The following GDPD5 variants were observed in gnomAD, a reference collection of about 807,000 sequenced individuals.
GDPD5 encodes the protein glycerophosphodiester phosphodiesterase domain containing 5.
Under a neutral mutation model 75.1 loss-of-function variants are expected in GDPD5, and 48 were observed. That is an observed-to-expected ratio of 0.64 (90% CI 0.51 to 0.81). GDPD5 has a LOEUF of 0.81. Among genes scored for constraint, GDPD5 ranks in the 40% least tolerant of loss-of-function variants. The pLI, the probability that GDPD5 is intolerant of heterozygous loss-of-function variation, is 0.00. For missense variants in GDPD5, 706 were observed against 822.6 expected, an observed-to-expected ratio of 0.86 and a Z score of 1.73; for synonymous variants, 336 against 339.0, an observed-to-expected ratio of 0.99 and a Z score of 0.10.
chr11:75,451,778 ACAATT>A (rs1949163186), intron 6 of GDPD5: 1 of 152,226 alleles, frequency 6.6e-6, no homozygotes, highest in African/African-American at 2.4e-5. Flanking sequence ...AAACCCTAAT[ACAATT>A]AAAAATGTTA....
chr11:75,484,214 A>G (rs1391757255), intron 2 of GDPD5, among the ~76,000 whole-genome samples: 1 of 152,208 alleles, frequency 6.6e-6, no homozygotes, highest in African/African-American at 2.4e-5. Context: ...CCACAAAAAA[A>G]GAAAATGTCC....
chr11:75,469,963 C>T (rs991377832), intron 3 of GDPD5, among the ~76,000 whole-genome samples: 1 of 152,200 alleles, frequency 6.6e-6, no homozygotes, highest in African/African-American at 2.4e-5. Context: ...ATAAATCAGG[C>T]CACCCTGAGC....
chr11:75,462,909 G>A lies in GDPD5; in HGVS notation c.118-20C>T, dbSNP rs374740316. The A allele has an allele frequency of 1.0e-5, 16 of 1,602,580 alleles. No individual in the cohort carries two copies. In the African/African-American group the frequency reaches 1.6e-4, roughly 16 times the overall value. ...CTCCCACTGGAAGAGCAGAGGAGGA[G>A]GGGATTAAGTGGGTCAGGGGCCAGC... On this transcript the variant is annotated intron_variant, in intron 3 of 16. Coordinates refer to ENST00000336898, the MANE Select transcript of GDPD5 (RefSeq NM_030792.8).
chr11:75,485,410 A>G (rs1292715647), intron 2 of GDPD5: 1 of 152,150 alleles, frequency 6.6e-6, no homozygotes, highest in African/African-American at 2.4e-5. Flanking sequence ...AAGCCAGACT[A>G]TGGGGAGGAG....
intron 11 of GDPD5, 72 bp from the exon 12 acceptor site, chr11:75,442,653 A>T: frequency 7.2e-7 from 1 of 1,396,200 alleles, no homozygotes; most frequent in East Asian, 2.3e-5. Context: ...CCTTCTGGCA[A>T]CCAAGCGTGG....
At chr11:75,475,415 CTATT>C (rs945421984) in intron 3 of GDPD5, among the ~76,000 whole-genome samples, 4 of 152,254 alleles carry the variant, frequency 2.6e-5, no homozygotes, top group African/African-American at 9.6e-5. Context: ...CGCAAGACCT[CTATT>C]TGTTCAGCGA....
intron 1 of GDPD5, among the ~76,000 whole-genome samples, chr11:75,499,432 G>T (rs1470495893): frequency 1.4e-5 from 2 of 146,740 alleles, no homozygotes; most frequent in African/African-American, 2.6e-5. Flanking sequence ...GGAAGGAAAG[G>T]AGAAGAATGT....
chr11:75,482,265 G>C (rs1949933962), intron 2 of GDPD5, among the ~76,000 whole-genome samples: 1 of 152,106 alleles, frequency 6.6e-6, no homozygotes, highest in Admixed American at 6.5e-5. Flanking sequence ...CTCTCCCCCT[G>C]GTGCATTTTT....
chr11:75,470,035 G>C (rs1409402495), intron 3 of GDPD5, among the ~76,000 whole-genome samples: 1 of 152,208 alleles, frequency 6.6e-6, no homozygotes. Context: ...GCAAACACAG[G>C]TTGCTTAGGA....
In GDPD5 at chr11:75,503,660, G is replaced by A. The variant is rs561161545; in HGVS notation, c.-144-13340C>T. ...TAGGCAAATGAATGAATGAAAGTGA[G>A]CAAAAGCAGAGTGAGCTCCCAGGTG... On this transcript the variant is annotated intron_variant, in intron 1 of 16. Transcript: ENST00000336898. Among the ~76,000 whole-genome samples, 12 of 152,364 alleles carry A rather than the reference G, an allele frequency of 7.9e-5. No individual in the cohort carries two copies. In the South Asian group the frequency reaches 2.5e-3, roughly 32 times the overall value.
intron 1 of GDPD5, among the ~76,000 whole-genome samples, chr11:75,514,086 G>A (rs1178623719): frequency 6.6e-6 from 1 of 152,242 alleles, no homozygotes; most frequent in African/African-American, 2.4e-5. Flanking sequence ...TGAGCTGGGT[G>A]AGTTCAGCTG....
At chr11:75,471,565 A>T (rs1341729266) in intron 3 of GDPD5, among the ~76,000 whole-genome samples, 1 of 152,202 alleles carries the variant, frequency 6.6e-6, no homozygotes, top group Non-Finnish European at 1.5e-5. Context: ...AGACATGAGC[A>T]GAAGGGCTGA....
chr11:75,514,061 A>G (rs1950589046), intron 1 of GDPD5, among the ~76,000 whole-genome samples: 1 of 152,244 alleles, frequency 6.6e-6, no homozygotes, highest in Admixed American at 6.5e-5. Flanking sequence ...GGAGAGACTC[A>G]AACATGACTG....
chr11:75,502,239 T>A (rs1950315700), intron 1 of GDPD5, among the ~76,000 whole-genome samples: 1 of 152,242 alleles, frequency 6.6e-6, no homozygotes, highest in African/African-American at 2.4e-5. Flanking sequence ...AGGGACTCCC[T>A]TCTCCAGCTC....
intron 14 of GDPD5, among the ~76,000 whole-genome samples, chr11:75,440,594 C>T (rs1948766162): frequency 6.6e-6 from 1 of 152,156 alleles, no homozygotes; most frequent in Admixed American, 6.5e-5. Context: ...GAGACAGGAT[C>T]TCACTTTGTC....
At chr11:75,435,770 A>G in intron 16 of GDPD5, 115 bp from the exon 17 acceptor site, 1 of 1,044,024 alleles carries the variant, frequency 9.6e-7, no homozygotes. Flanking sequence ...GGCTGATGAA[A>G]CCACTGGGCT....
At chr11:75,471,692 G>A (rs1453884972) in intron 3 of GDPD5, among the ~76,000 whole-genome samples, 1 of 152,158 alleles carries the variant, frequency 6.6e-6, no homozygotes, top group African/African-American at 2.4e-5. Context: ...TGCTCAAGGT[G>A]TTCATAGAGT....
At chr11:75,448,575 G>A (rs901606467) in intron 9 of GDPD5, 15 of 995,726 alleles carry the variant, frequency 1.5e-5, no homozygotes, top group South Asian at 1.4e-4. Flanking sequence ...TCCAACTCAC[G>A]TCGGTTCAGC....
At chr11:75,466,904 C>T (rs1455106018) in intron 3 of GDPD5, among the ~76,000 whole-genome samples, 1 of 152,076 alleles carries the variant, frequency 6.6e-6, no homozygotes, top group Admixed American at 6.5e-5. Context: ...CTGGACTCTG[C>T]AGGCCCCCTT....
Sources: allele counts gnomAD v4.1 joint callset (sites outside exome capture counted in the v4.1 genomes callset), GRCh38; gene constraint gnomAD v4.1.1; transcripts MANE v1.5; gene names NCBI Gene and HGNC (gene_info 2026-07-23, HGNC 2026-07-21).